The following GRIK4 variants were observed in gnomAD, a reference collection of about 807,000 sequenced individuals.
The protein encoded by GRIK4 is glutamate ionotropic receptor kainate type subunit 4.
Under a neutral mutation model 104.9 loss-of-function variants are expected in GRIK4, and 40 were observed. That is an observed-to-expected ratio of 0.38 (90% CI 0.30 to 0.50). The LOEUF (loss-of-function observed/expected upper bound fraction) is 0.50. Ranked by LOEUF, GRIK4 falls within the 20% of genes least tolerant of loss-of-function variation. GRIK4 has a pLI of 0.93. For missense variants in GRIK4, 1,047 were observed against 1,308.1 expected, an observed-to-expected ratio of 0.80 and a Z score of 3.08; for synonymous variants, 485 against 524.9, an observed-to-expected ratio of 0.92 and a Z score of 1.04.
rs143815798 is a variant in GRIK4 at position 120,602,766 on chromosome 11, A to G, written c.-158-50919A>G. Among the ~76,000 whole-genome samples the G allele has an allele frequency of 5.3e-3, 800 of 152,282 alleles. 5 individuals carry two copies. Among genetic ancestry groups the G allele is most frequent in the African/African-American group, 0.018 (737 of 41,562 alleles). On this transcript the variant is annotated intron_variant, in intron 1 of 20. Transcript: ENST00000527524. ...CGTCCAGGCTGGAGTGCAGTGGTGC[A>G]GTCATAGCTCACTGCAGCCTTGGAC...
chr11:120,693,053 G>T (rs922152956), intron 3 of GRIK4, among the ~76,000 whole-genome samples: 1 of 151,632 alleles, frequency 6.6e-6, no homozygotes, highest in Middle Eastern at 3.5e-3. Context: ...TAAAAGAGGG[G>T]TTTTACGTAA....
intron 20 of GRIK4, among the ~76,000 whole-genome samples, chr11:120,983,179 T>C (rs575837962): frequency 6.6e-6 from 1 of 152,292 alleles, no homozygotes; most frequent in African/African-American, 2.4e-5. Context: ...TCCAGGATTA[T>C]CCTCTTTTGC....
chr11:120,900,582 A>G (rs1444798044), intron 12 of GRIK4, among the ~76,000 whole-genome samples: 4 of 152,188 alleles, frequency 2.6e-5, no homozygotes, highest in Admixed American at 2.6e-4. Flanking sequence ...AAGGCTGAGG[A>G]AAAAGAGCTG....
intron 6 of GRIK4, among the ~76,000 whole-genome samples, chr11:120,824,292 GA>G (rs1167763038): frequency 6.6e-6 from 1 of 152,168 alleles, no homozygotes; most frequent in East Asian, 1.9e-4. Context: ...GAGGAGATGT[GA>G]TGAGCAGCCC....
intron 3 of GRIK4, among the ~76,000 whole-genome samples, chr11:120,755,443 A>C (rs1951635645): frequency 6.6e-6 from 1 of 152,040 alleles, no homozygotes; most frequent in Non-Finnish European, 1.5e-5. Context: ...TCATCTCTAC[A>C]AAAAATTTGA....
intron 14 of GRIK4, among the ~76,000 whole-genome samples, chr11:120,944,814 T>C (rs973908507): frequency 1.3e-5 from 2 of 152,260 alleles, no homozygotes; most frequent in African/African-American, 4.8e-5. Context: ...ATTAGATGCA[T>C]GTCACATACA....
At chr11:120,960,835 C>T (rs1944271786) in intron 16 of GRIK4, 74 bp from the exon 17 acceptor site, 4 of 1,162,060 alleles carry the variant, frequency 3.4e-6, no homozygotes, top group Admixed American at 4.4e-5. Flanking sequence ...CATGTCACAG[C>T]AGGACTGGGG....
Position 120,987,966 on chromosome 11 carries a change from C to A in GRIK4, c.*1706C>A. 1 of 153,214 alleles carries A rather than the reference C, an allele frequency of 6.5e-6. No individual in the cohort carries two copies. The allele number at this position is 153,214 out of a possible 1,614,324, so 9.5% of individuals were successfully genotyped here. A position where few individuals can be genotyped will look rare whatever the true frequency, so the allele number is the denominator to read the frequency against. On this transcript the variant is annotated 3_prime_UTR_variant, in exon 21 of 21. Coordinates refer to ENST00000527524, the MANE Select transcript of GRIK4 (RefSeq NM_014619.5). ...CTGCCACCACCTTGAATGGAATTGT[C>A]CTCACTTTTGTTGCTGTTGCAAATG...
At chr11:120,697,864 G>A (rs900628587) in intron 3 of GRIK4, among the ~76,000 whole-genome samples, 1 of 152,162 alleles carries the variant, frequency 6.6e-6, no homozygotes, top group African/African-American at 2.4e-5. Context: ...AGCTAGAGTG[G>A]CCTCGATGGA....
At chr11:120,601,409 C>T (rs987229232) in intron 1 of GRIK4, among the ~76,000 whole-genome samples, 3 of 151,938 alleles carry the variant, frequency 2.0e-5, no homozygotes, top group African/African-American at 7.2e-5. Context: ...CCATCTCAAA[C>T]GAAAACAAAA....
In GRIK4 at chr11:120,986,806, A is replaced by AG. The variant is rs1944763263; in HGVS notation, c.*551dup. 1 of 149,838 alleles carries AG rather than the reference A, an allele frequency of 6.7e-6. No individual in the cohort carries two copies. Among genetic ancestry groups the AG allele is most frequent in the African/African-American group, 2.5e-5 (1 of 40,500 alleles). 9.3% of individuals were successfully genotyped at this position (149,838 alleles called of 1,614,324 possible). On this transcript the variant is annotated 3_prime_UTR_variant, in exon 21 of 21. Transcript: ENST00000527524. ...TGTTAATTTGTTTTGTGTTTTTTGG[A>AG]GGGGGAGGCTGGGTTAGGGAATGGA...
chr11:120,658,447 TACC>T (rs1949748543), intron 2 of GRIK4, among the ~76,000 whole-genome samples: 3 of 152,172 alleles, frequency 2.0e-5, no homozygotes, highest in Admixed American at 1.3e-4. Context: ...AGCTCTAGTA[TACC>T]AGTTTTCCAA....
chr11:120,689,191 C>G (rs1044389234), intron 3 of GRIK4, among the ~76,000 whole-genome samples: 1 of 152,072 alleles, frequency 6.6e-6, no homozygotes, highest in Non-Finnish European at 1.5e-5. Context: ...TGAGATAACA[C>G]GGACATAATT....
At chr11:120,709,181 G>A (rs1360936141) in intron 3 of GRIK4, among the ~76,000 whole-genome samples, 3 of 151,804 alleles carry the variant, frequency 2.0e-5, no homozygotes, top group East Asian at 1.9e-4. Flanking sequence ...AATCTCAAAT[G>A]TCTGAATCAG....
chr11:120,759,968 G>C (rs1256288571), intron 3 of GRIK4, among the ~76,000 whole-genome samples: 1 of 151,970 alleles, frequency 6.6e-6, no homozygotes, highest in Non-Finnish European at 1.5e-5. Flanking sequence ...TTTATGACAA[G>C]AGCAGCTAAA....
intron 1 of GRIK4, among the ~76,000 whole-genome samples, chr11:120,562,903 G>A (rs1247721701): frequency 6.6e-6 from 1 of 152,228 alleles, no homozygotes; most frequent in Non-Finnish European, 1.5e-5. Context: ...AGAATGGGCA[G>A]CCAGCCCTCT....
chr11:120,922,447 C>T (rs571812580), intron 13 of GRIK4, among the ~76,000 whole-genome samples: 5 of 152,184 alleles, frequency 3.3e-5, no homozygotes, highest in Non-Finnish European at 7.3e-5. Context: ...CCTGCTCATC[C>T]CTTGCCTTCC....
intron 3 of GRIK4, among the ~76,000 whole-genome samples, chr11:120,717,795 C>T (rs1053910624): frequency 6.6e-6 from 1 of 152,096 alleles, no homozygotes; most frequent in Non-Finnish European, 1.5e-5. Flanking sequence ...CCTGGGGTGC[C>T]CTTCCAGCTC....
intron 1 of GRIK4, among the ~76,000 whole-genome samples, chr11:120,567,776 G>A (rs1948349224): frequency 6.6e-6 from 1 of 152,160 alleles, no homozygotes; most frequent in Non-Finnish European, 1.5e-5. Flanking sequence ...GTCAACAGGA[G>A]GTATGTCTTA....
Sources: allele counts gnomAD v4.1 joint callset (sites outside exome capture counted in the v4.1 genomes callset), GRCh38; gene constraint gnomAD v4.1.1; transcripts MANE v1.5; gene names NCBI Gene and HGNC (gene_info 2026-07-23, HGNC 2026-07-21).